The following ARAP2 variants were observed in gnomAD, a reference collection of about 807,000 sequenced individuals.
The protein encoded by ARAP2 is arf-GAP with Rho-GAP domain, ANK repeat and PH domain-containing protein 2.
A neutral mutation model predicts 194.5 loss-of-function variants in ARAP2; 148 were observed. The ratio of observed to expected loss-of-function variants is 0.76; its 90% CI spans 0.67 to 0.87. ARAP2 has a LOEUF of 0.87. ARAP2 is among the 40% of genes least tolerant of loss of function. The pLI is 0.00. For missense variants in ARAP2, 2,128 were observed against 1,989.7 expected, an observed-to-expected ratio of 1.07 and a Z score of -1.32; for synonymous variants, 695 against 683.5, an observed-to-expected ratio of 1.02 and a Z score of -0.26.
chr4:36,165,908 C>A (rs1367492127), intron 10 of ARAP2, among the ~76,000 whole-genome samples: 1 of 152,024 alleles, frequency 6.6e-6, no homozygotes, highest in Non-Finnish European at 1.5e-5. Flanking sequence ...AAAATCACAG[C>A]TAACATATTC....
At chr4:36,081,072 T>C (rs1372776034) in intron 30 of ARAP2, among the ~76,000 whole-genome samples, 1 of 152,184 alleles carries the variant, frequency 6.6e-6, no homozygotes, top group African/African-American at 2.4e-5. Flanking sequence ...CTGAAAAATG[T>C]TGAAAATGAA....
chr4:36,191,605 TAAAGAC>T (rs1437322519), intron 7 of ARAP2, among the ~76,000 whole-genome samples: 4 of 151,122 alleles, frequency 2.6e-5, no homozygotes, highest in African/African-American at 9.8e-5. Flanking sequence ...CAGTACAAGA[TAAAGAC>T]AATAAAGAAA....
At chr4:36,163,138 T>C (rs989883112) in intron 11 of ARAP2, among the ~76,000 whole-genome samples, 10 of 151,872 alleles carry the variant, frequency 6.6e-5, no homozygotes, top group African/African-American at 2.4e-4. Flanking sequence ...AAAATGAGTG[T>C]GGAATTAAAG....
intron 19 of ARAP2, among the ~76,000 whole-genome samples, chr4:36,142,386 C>A (rs1165535597): frequency 1.3e-5 from 2 of 151,492 alleles, no homozygotes; most frequent in African/African-American, 2.4e-5. Context: ...CACATATATG[C>A]CCTTTCTGGG....
chr4:36,098,256 C>A (rs1031238764), intron 27 of ARAP2, among the ~76,000 whole-genome samples: 4 of 152,050 alleles, frequency 2.6e-5, no homozygotes, highest in Non-Finnish European at 5.9e-5. Context: ...CCCTCCATGT[C>A]CAGGCAGCTA....
intron 5 of ARAP2, among the ~76,000 whole-genome samples, chr4:36,035,010 C>A (rs944165622): frequency 6.6e-6 from 1 of 152,040 alleles, no homozygotes; most frequent in Non-Finnish European, 1.5e-5. Context: ...AGGACTTTGG[C>A]ATCAAAGTTC....
chr4:36,170,650 A>T (rs369874619), intron 9 of ARAP2, among the ~76,000 whole-genome samples: 3 of 152,192 alleles, frequency 2.0e-5, no homozygotes, highest in East Asian at 1.9e-4. Flanking sequence ...AAGCATATAG[A>T]GTGGACTCTA....
chr4:36,021,471 T>C (rs1716931872), intron 5 of ARAP2, among the ~76,000 whole-genome samples: 1 of 152,130 alleles, frequency 6.6e-6, no homozygotes. Flanking sequence ...CAATAGCAAA[T>C]GAGTTATCAC....
intron 27 of ARAP2, among the ~76,000 whole-genome samples, chr4:36,102,639 T>C (rs1167370622): frequency 2.6e-5 from 4 of 152,140 alleles, no homozygotes; most frequent in South Asian, 4.1e-4. Context: ...TTTTCTGTGA[T>C]TGAAAGCTCT....
intron 2 of ARAP2, among the ~76,000 whole-genome samples, chr4:36,056,033 T>C (rs1296528239): frequency 1.3e-5 from 2 of 152,248 alleles, no homozygotes; most frequent in Non-Finnish European, 2.9e-5. Flanking sequence ...AATGTTACTC[T>C]ATTTTTATTA....
chr4:36,022,957 C>T (rs1717263016), intron 5 of ARAP2, among the ~76,000 whole-genome samples: 1 of 152,112 alleles, frequency 6.6e-6, no homozygotes, highest in African/African-American at 2.4e-5. Context: ...ATATGAAAAT[C>T]TCTGAGATAG....
intron 1 of ARAP2, among the ~76,000 whole-genome samples, chr4:36,237,643 G>A (rs1331695321): frequency 6.6e-6 from 1 of 152,132 alleles, no homozygotes; most frequent in African/African-American, 2.4e-5. Flanking sequence ...ACTTCCTGAG[G>A]CCTCACCAGA....
At chr4:36,105,672 C>T (rs1022480162) in intron 27 of ARAP2, among the ~76,000 whole-genome samples, 10 of 151,958 alleles carry the variant, frequency 6.6e-5, no homozygotes, top group African/African-American at 1.9e-4. Flanking sequence ...TCTAAACCAG[C>T]GCAATCTACA....
chr4:36,109,425 C>T (rs1719252784), intron 26 of ARAP2, among the ~76,000 whole-genome samples: 2 of 151,798 alleles, frequency 1.3e-5, no homozygotes, highest in Non-Finnish European at 2.9e-5. Context: ...CAAATTATTG[C>T]ATTATTTTCT....
At chr4:36,029,541 AT>A (rs1257442398) in intron 5 of ARAP2, among the ~76,000 whole-genome samples, 2 of 151,994 alleles carry the variant, frequency 1.3e-5, no homozygotes, top group Non-Finnish European at 2.9e-5. Flanking sequence ...ATAGAATTAT[AT>A]TTTGGTTGGA....
In ARAP2 at chr4:36,193,605, A is replaced by T. The variant is rs1443607563; in HGVS notation, c.1530T>A (p.Leu510=). ...FQKRWVKFDG[L]SISYYNNEKE... ...TCTCATTATTGTAGTAAGAAATGCTAAGGCCATCAAATTTCACCCATCTCT... is the reference window on the plus strand; with the variant it reads ...TCTCATTATTGTAGTAAGAAATGCTTAGGCCATCAAATTTCACCCATCTCT... Residue 510 remains leucine, a synonymous_variant, in exon 7 of 33, where the codon CTT becomes CTA. Coordinates refer to ENST00000303965, the MANE Select transcript of ARAP2 (RefSeq NM_015230.4). 1 of 1,597,882 alleles carries T rather than the reference A, an allele frequency of 6.3e-7. No homozygotes were observed. Among genetic ancestry groups the T allele is most frequent in the South Asian group, 1.2e-5 (1 of 86,790 alleles).
intron 24 of ARAP2, among the ~76,000 whole-genome samples, chr4:36,117,572 T>A (rs1199003623): frequency 6.6e-6 from 1 of 151,616 alleles, no homozygotes; most frequent in Non-Finnish European, 1.5e-5. Flanking sequence ...ATGATACCAA[T>A]ATTTAAAAGG....
At chr4:36,176,012 G>A (rs1369224922) in intron 9 of ARAP2, among the ~76,000 whole-genome samples, 1 of 152,122 alleles carries the variant, frequency 6.6e-6, no homozygotes, top group Non-Finnish European at 1.5e-5. Flanking sequence ...AGCATACCCT[G>A]AAACTCCTGG....
chr4:36,105,260 C>T (rs1718077594), intron 27 of ARAP2, among the ~76,000 whole-genome samples: 1 of 151,954 alleles, frequency 6.6e-6, no homozygotes, highest in South Asian at 2.1e-4. Flanking sequence ...GCAGAGGTTG[C>T]AGTAAGCTGA....
Sources: gnomAD v4.1 joint callset for allele counts (sites outside exome capture counted in the v4.1 genomes callset) on GRCh38, gnomAD v4.1.1 for gene constraint, MANE v1.5 for transcripts, NCBI Gene and HGNC (gene_info 2026-07-23, HGNC 2026-07-21) for gene names.